PAQR3: variants seen among roughly 807,000 people sequenced by gnomAD.
The protein encoded by PAQR3 is Raf kinase trapping to Golgi.
A neutral mutation model predicts 41.7 loss-of-function variants in PAQR3; 39 were observed. The observed-to-expected ratio is 0.93, with a 90% confidence interval of 0.72 to 1.22. PAQR3 has a LOEUF of 1.22. PAQR3 is among the 50% of genes most tolerant of loss of function. PAQR3 has a pLI of 0.00. For missense variants in PAQR3, 366 were observed against 385.6 expected (o/e 0.95, Z 0.42); for synonymous variants, 140 against 140.6 (o/e 1.00, Z 0.03).
rs766641054 is a variant in PAQR3, at chr4:78,920,640, T to C, written c.835A>G (p.Ile279Val). 3.7e-6 allele frequency: 6 copies of C among 1,611,048 alleles called. No homozygotes were observed. In the Admixed American group the frequency reaches 6.7e-5, roughly 18 times the overall value. Reference protein sequence around the residue: ...YLGSSHQIWHILAVVMLYWWH... With the variant: ...YLGSSHQIWHVLAVVMLYWWH... ...CAATATAACATCACTACTGCAAGGA[T>C]ATGCCATATTTGGTGGCTTGATCCG... Residue 279 changes from isoleucine to valine, a missense_variant, in exon 6 of 6, where the codon ATC becomes GTC. By Grantham distance (29) the Ile-to-Val change is conservative (BLOSUM62 3). Transcript: ENST00000512733.
chr4:78,918,617 A>G lies in PAQR3; in HGVS notation c.*1922T>C, dbSNP rs1735329438. ...AAACACGGATTTAAAAACACAGTAT[A>G]CTCTTTTCATGTTATTAATTCAAAT... On this transcript the variant is annotated 3_prime_UTR_variant, in exon 6 of 6. Coordinates refer to ENST00000512733, the MANE Select transcript of PAQR3 (RefSeq NM_001040202.2). 1.0e-6 allele frequency: 1 copy of G among 960,224 alleles called. No individual in the cohort carries two copies. The allele number at this position is 960,224 out of a possible 1,614,324, so 59.5% of individuals were successfully genotyped here. A position where few individuals can be genotyped will look rare whatever the true frequency, so the allele number is the denominator to read the frequency against.
intron 5 of PAQR3, chr4:78,922,556 C>A: frequency 2.9e-6 from 2 of 679,610 alleles, no homozygotes; most frequent in Non-Finnish European, 2.3e-6. Flanking sequence ...CCAAAACTTA[C>A]CTGGATTTGC....
At chr4:78,937,076 C>G (rs941182260) in intron 1 of PAQR3, among the ~76,000 whole-genome samples, 4 of 152,174 alleles carry the variant, frequency 2.6e-5, no homozygotes, top group Non-Finnish European at 5.9e-5. Flanking sequence ...GAGAATGACC[C>G]TATATGAAAA....
intron 1 of PAQR3, among the ~76,000 whole-genome samples, chr4:78,935,628 T>C (rs1737347187): frequency 6.6e-6 from 1 of 152,182 alleles, no homozygotes; most frequent in African/African-American, 2.4e-5. Flanking sequence ...CTGTTCACAA[T>C]GCCTTGCTCA....
intron 1 of PAQR3, 41 bp downstream of exon 1, chr4:78,938,999 G>C (rs373619943): frequency 6.5e-7 from 1 of 1,529,268 alleles, no homozygotes; most frequent in Admixed American, 1.8e-5. Context: ...GGGTGTAGGT[G>C]AGAGAAGGGG....
intron 3 of PAQR3, 108 bp from the exon 4 acceptor site, chr4:78,926,826 T>C (rs1736288648): frequency 1.1e-6 from 1 of 934,776 alleles, no homozygotes; most frequent in Non-Finnish European, 1.7e-6. Flanking sequence ...TACTTGGTAT[T>C]TGCATTTCAA....
Position 78,919,462 on chromosome 4 carries a change from TTAAG to T in PAQR3, c.*1073_*1076del. ...AAGTTTAATGCTTCAGGCCCAAATA[TTAAG>T]TGTTTATCAAGATTCTGAGTTATCA... On this transcript the variant is annotated 3_prime_UTR_variant, in exon 6 of 6. Coordinates refer to ENST00000512733, the MANE Select transcript of PAQR3 (RefSeq NM_001040202.2). 1 of 984,944 alleles carries T rather than the reference TTAAG, an allele frequency of 1.0e-6. No individual in the cohort carries two copies. The highest frequency in any genetic ancestry group is 1.2e-6 in the Non-Finnish European group (1 of 829,628). 61.0% of individuals were successfully genotyped at this position (984,944 alleles called of 1,614,324 possible).
chr4:78,904,836 A>G (rs897877314), intron 11 of PAQR3, among the ~76,000 whole-genome samples: 13 of 151,944 alleles, frequency 8.6e-5, no homozygotes, highest in African/African-American at 3.1e-4. Context: ...ATTATTATAT[A>G]TTGTGAAAGT....
chr4:78,926,429 AC>A, intron 4 of PAQR3, 91 bp downstream of exon 4: 1 of 1,028,638 alleles, frequency 9.7e-7, no homozygotes, highest in South Asian at 1.5e-5. Flanking sequence ...ACAAACATCT[AC>A]CCACTTGGCC....
At chr4:78,895,233 G>C (rs1157119044) in intron 11 of PAQR3, among the ~76,000 whole-genome samples, 2 of 152,106 alleles carry the variant, frequency 1.3e-5, no homozygotes, top group African/African-American at 4.8e-5. Flanking sequence ...AATTTTTTTA[G>C]AAAGTCAATC....
At chr4:78,902,795 G>T (rs554362472) in intron 11 of PAQR3, among the ~76,000 whole-genome samples, 1 of 152,190 alleles carries the variant, frequency 6.6e-6, no homozygotes, top group African/African-American at 2.4e-5. Context: ...AATATGCATA[G>T]TATGATGCAA....
rs61742616 is a variant in PAQR3 at position 78,935,151 on chromosome 4, T to A, written c.318A>T (p.Val106=). Residue 106 remains valine (V), a synonymous_variant, in exon 2 of 6, where the codon GTA becomes GTT. Coordinates refer to ENST00000512733, the MANE Select transcript of PAQR3 (RefSeq NM_001040202.2). ...PSASASREDF[V]ICSICLFCFQ... ...AGCAGAAAAGACAAATAGAACAAAT[T>A]ACAAAATCTTCTCTGGACGCACTTG... The A allele has an allele frequency of 3.3e-4, 532 of 1,613,434 alleles. No individual in the cohort carries two copies. The African/African-American group carries it at 5.8e-3, about 18-fold the overall frequency.
chr4:78,891,687 T>C (rs893596031), intron 11 of PAQR3, among the ~76,000 whole-genome samples: 1 of 152,230 alleles, frequency 6.6e-6, no homozygotes, highest in Non-Finnish European at 1.5e-5. Context: ...GAGGATACTT[T>C]GGTTTTGCAC....
At chr4:78,922,553 T>C (rs1735762204) in intron 5 of PAQR3, 1 of 700,770 alleles carries the variant, frequency 1.4e-6, no homozygotes, top group Non-Finnish European at 2.2e-6. Flanking sequence ...ATGCCAAAAC[T>C]TACCTGGATT....
intron 11 of PAQR3, among the ~76,000 whole-genome samples, chr4:78,890,883 A>G (rs1312408693): frequency 6.6e-6 from 1 of 152,132 alleles, no homozygotes; most frequent in Non-Finnish European, 1.5e-5. Flanking sequence ...GAAAATATGC[A>G]TGAGAGGAAG....
chr4:78,887,937 C>T (rs1025497310), intron 12 of PAQR3: 1 of 152,148 alleles, frequency 6.6e-6, no homozygotes, highest in Non-Finnish European at 1.5e-5. Context: ...GGTAAAAGTT[C>T]GATATATTCA....
chr4:78,923,749 A>G (rs902320103), intron 5 of PAQR3, 108 bp downstream of exon 5: 1 of 758,992 alleles, frequency 1.3e-6, no homozygotes, highest in African/African-American at 1.8e-5. Context: ...AATCATTTCC[A>G]TAATCAATAA....
At chr4:78,938,085 G>A (rs1737621703) in intron 1 of PAQR3, among the ~76,000 whole-genome samples, 1 of 152,194 alleles carries the variant, frequency 6.6e-6, no homozygotes, top group African/African-American at 2.4e-5. Context: ...AAGGAAAGAA[G>A]GGCAGGAAAA....
intron 3 of PAQR3, among the ~76,000 whole-genome samples, 149 bp downstream of exon 3, chr4:78,930,017 GGCCA>G (rs1428977855): frequency 6.6e-6 from 1 of 151,998 alleles, no homozygotes; most frequent in African/African-American, 2.4e-5. Context: ...GAGATGACAG[GGCCA>G]TTCTGAAAAA....
Sources: allele counts gnomAD v4.1 joint callset (sites outside exome capture counted in the v4.1 genomes callset), GRCh38; gene constraint gnomAD v4.1.1; transcripts MANE v1.5; gene names NCBI Gene and HGNC (gene_info 2026-07-23, HGNC 2026-07-21).